PKIA: variants seen among roughly 807,000 people sequenced by gnomAD.
PKIA encodes cAMP-dependent protein kinase inhibitor alpha.
Under a neutral mutation model 7.6 loss-of-function variants are expected in PKIA, and 4 were observed. The ratio of observed to expected loss-of-function variants is 0.52; its 90% CI spans 0.26 to 1.20. PKIA has a LOEUF of 1.20. Ranked by LOEUF, PKIA falls within the 50% of genes most tolerant of loss-of-function variation. The pLI is 0.13. For missense variants in PKIA, 73 were observed against 86.2 expected (o/e 0.85, Z 0.61); for synonymous variants, 21 against 30.7 (o/e 0.68, Z 1.04).
intron 2 of PKIA, among the ~76,000 whole-genome samples, chr8:78,578,653 C>T (rs1441172296): frequency 6.6e-6 from 1 of 152,012 alleles, no homozygotes; most frequent in East Asian, 1.9e-4. Flanking sequence ...CTTTGTTTGA[C>T]TGGCTTTTAG....
chr8:78,531,305 A>C (rs1272067140), intron 1 of PKIA, among the ~76,000 whole-genome samples: 1 of 152,114 alleles, frequency 6.6e-6, no homozygotes, highest in Non-Finnish European at 1.5e-5. Flanking sequence ...GTTTATTGAC[A>C]ACCGATAATG....
rs1808364925 is a variant in PKIA, at chr8:78,602,219, C to G, written c.*398C>G. On this transcript the variant is annotated 3_prime_UTR_variant, in exon 4 of 4. Transcript: ENST00000396418. ...ATTGAACCCCAGAGTTTAAATATCT[C>G]TGGCTCAAGTGTTCACCCAGTAAAA... 5.1e-6 allele frequency: 1 copy of G among 194,222 alleles called. No homozygotes were observed. Among genetic ancestry groups the G allele is most frequent in the African/African-American group, 2.4e-5 (1 of 41,988 alleles). 12.0% of individuals were successfully genotyped at this position (194,222 alleles called of 1,614,324 possible).
At chr8:78,550,995 T>TATTA (rs1585890165) in intron 1 of PKIA, among the ~76,000 whole-genome samples, 1 of 152,100 alleles carries the variant, frequency 6.6e-6, no homozygotes, top group South Asian at 2.1e-4. Context: ...TTTGTCTGTT[T>TATTA]ATTACTCTTG....
intron 1 of PKIA, among the ~76,000 whole-genome samples, chr8:78,546,176 T>C (rs1045347974): frequency 6.6e-6 from 1 of 152,210 alleles, no homozygotes. Context: ...CCTGGGGACA[T>C]GACTAGTTTA....
chr8:78,601,164 G>A (rs1453599129), intron 3 of PKIA, among the ~76,000 whole-genome samples: 1 of 151,996 alleles, frequency 6.6e-6, no homozygotes, highest in Admixed American at 6.6e-5. Flanking sequence ...TTCTCTAAGG[G>A]CAGACCAGAG....
At chr8:78,526,617 A>G (rs1334433735) in intron 1 of PKIA, among the ~76,000 whole-genome samples, 1 of 152,060 alleles carries the variant, frequency 6.6e-6, no homozygotes, top group Non-Finnish European at 1.5e-5. Context: ...AACTAACTCC[A>G]TTGTAGGTCA....
At chr8:78,572,517 AC>A (rs1193024112) in intron 1 of PKIA, among the ~76,000 whole-genome samples, 2 of 135,076 alleles carry the variant, frequency 1.5e-5, no homozygotes, top group Admixed American at 7.6e-5. Flanking sequence ...TTTCCCCACC[AC>A]CCCATCACAA....
Position 78,567,946 on chromosome 8 carries a change from A to G in PKIA, c.-156-4865A>G, listed in dbSNP as rs552843735. Reference sequence around the variant, plus strand: ...AATCACTTCCTTAATTTCTCACACTACCAGATGGTCTACTTCCATCTTTTA... The same window carrying G: ...AATCACTTCCTTAATTTCTCACACTGCCAGATGGTCTACTTCCATCTTTTA... On this transcript the variant is annotated intron_variant, in intron 1 of 3. Transcript: ENST00000396418. Among the ~76,000 whole-genome samples, 11 of 152,254 alleles carry G rather than the reference A, an allele frequency of 7.2e-5. No individual in the cohort carries two copies. In the East Asian group the frequency reaches 2.1e-3, roughly 29 times the overall value.
intron 1 of PKIA, among the ~76,000 whole-genome samples, chr8:78,521,296 T>C (rs1053426105): frequency 1.3e-5 from 2 of 152,098 alleles, no homozygotes; most frequent in Non-Finnish European, 2.9e-5. Flanking sequence ...AGTAATATAT[T>C]TGCTTTTGCC....
intron 1 of PKIA, among the ~76,000 whole-genome samples, chr8:78,539,864 CTA>C (rs1180544683): frequency 6.6e-6 from 1 of 151,954 alleles, no homozygotes; most frequent in African/African-American, 2.4e-5. Flanking sequence ...GAAGATTTCT[CTA>C]ATTGCATATA....
At chr8:78,597,885 C>T (rs914288376) in intron 2 of PKIA, among the ~76,000 whole-genome samples, 2 of 151,772 alleles carry the variant, frequency 1.3e-5, no homozygotes, top group Non-Finnish European at 1.5e-5. Context: ...CAACAGTGGA[C>T]GAGATCATGT....
chr8:78,562,950 A>T (rs1347021826), intron 1 of PKIA, among the ~76,000 whole-genome samples: 2 of 152,216 alleles, frequency 1.3e-5, no homozygotes, highest in Non-Finnish European at 2.9e-5. Flanking sequence ...TATGAAAAAA[A>T]TATTTCTCTT....
chr8:78,598,224 A>T, intron 2 of PKIA, 134 bp from the exon 3 acceptor site: 1 of 435,406 alleles, frequency 2.3e-6, no homozygotes. Flanking sequence ...AATACTTAGG[A>T]CCAGAAAAGG....
intron 2 of PKIA, among the ~76,000 whole-genome samples, chr8:78,594,075 T>A (rs1479110264): frequency 6.9e-6 from 1 of 144,938 alleles, no homozygotes; most frequent in African/African-American, 2.4e-5. Context: ...AATGCAGTAA[T>A]CTATTGAGAA....
chr8:78,578,462 T>C (rs928455453), intron 2 of PKIA, among the ~76,000 whole-genome samples: 1 of 152,000 alleles, frequency 6.6e-6, no homozygotes, highest in Non-Finnish European at 1.5e-5. Flanking sequence ...AATCATGTTC[T>C]ACCTAAATTC....
chr8:78,589,480 G>A (rs1396899762), intron 2 of PKIA, among the ~76,000 whole-genome samples: 1 of 152,056 alleles, frequency 6.6e-6, no homozygotes, highest in Admixed American at 6.5e-5. Context: ...AAACATTGTA[G>A]GGGGAAAAAG....
At chr8:78,516,702 A>AT (rs1460187056) in intron 1 of PKIA, among the ~76,000 whole-genome samples, 1 of 152,234 alleles carries the variant, frequency 6.6e-6, no homozygotes, top group Non-Finnish European at 1.5e-5. Flanking sequence ...TTTGAACGTG[A>AT]TCTACCATTT....
At chr8:78,518,279 G>C (rs779721143) in intron 1 of PKIA, among the ~76,000 whole-genome samples, 11 of 152,142 alleles carry the variant, frequency 7.2e-5, no homozygotes, top group Admixed American at 1.3e-4. Flanking sequence ...TTCCTTTTTT[G>C]TTGTTGTTAT....
At chr8:78,595,235 G>A (rs1169178929) in intron 2 of PKIA, among the ~76,000 whole-genome samples, 1 of 152,204 alleles carries the variant, frequency 6.6e-6, no homozygotes, top group African/African-American at 2.4e-5. Flanking sequence ...ACATAAAGTA[G>A]TGGGTAACTG....
Sources: gnomAD v4.1 joint callset for allele counts (sites outside exome capture counted in the v4.1 genomes callset) on GRCh38, gnomAD v4.1.1 for gene constraint, MANE v1.5 for transcripts, NCBI Gene and HGNC (gene_info 2026-07-23, HGNC 2026-07-21) for gene names.